The following DMXL1 variants were observed in gnomAD, a reference collection of about 807,000 sequenced individuals.
DMXL1 encodes the protein dmX-like protein 1.
In DMXL1, 99 loss-of-function variants were observed where a neutral mutation model predicts 319.2. The observed-to-expected ratio is 0.31, with a 90% CI of 0.26 to 0.37. The LOEUF (loss-of-function observed/expected upper bound fraction) is 0.37, where lower values mean the gene tolerates loss of function less well. Ranked by LOEUF, DMXL1 falls within the 10% of genes least tolerant of loss-of-function variation. DMXL1 has a pLI of 1.00. For missense variants in DMXL1, 3,745 were observed against 3,595.6 expected, an observed-to-expected ratio of 1.04 and a Z score of -1.06; for synonymous variants, 1,385 against 1,235.2, an observed-to-expected ratio of 1.12 and a Z score of -2.54.
intron 28 of DMXL1, among the ~76,000 whole-genome samples, chr5:119,184,163 C>T (rs1193658811): frequency 6.6e-6 from 1 of 151,856 alleles, no homozygotes; most frequent in African/African-American, 2.4e-5. Context: ...TCAAGTGATC[C>T]TTCCACCTCA....
chr5:119,081,050 A>G (rs1752086967), intron 1 of DMXL1, among the ~76,000 whole-genome samples: 2 of 152,194 alleles, frequency 1.3e-5, no homozygotes, highest in Non-Finnish European at 2.9e-5. Flanking sequence ...GTTACCCACT[A>G]GAATTGTACT....
Position 119,237,336 on chromosome 5 carries a change from T to C in DMXL1, c.8481T>C (p.Asp2827=). ...NYQGNKFGIV[D]ADGYLSLYQT... ...CTTTCTCTAAGTTTGGAATAGTTGATGCTGATGGATATTTAAGTTTGTATC... is the reference window on the plus strand; with the variant it reads ...CTTTCTCTAAGTTTGGAATAGTTGACGCTGATGGATATTTAAGTTTGTATC... The change falls in exon 40 of 44, where the codon GAT becomes GAC. Residue 2827 remains aspartate, a synonymous_variant. Coordinates refer to ENST00000539542, the MANE Select transcript of DMXL1 (RefSeq NM_001290321.3). 1 of 1,590,194 alleles carries C rather than the reference T, an allele frequency of 6.3e-7. No homozygotes were observed. The highest frequency in any genetic ancestry group is 8.6e-7 in the Non-Finnish European group (1 of 1,163,046).
At chr5:119,111,583 C>G (rs573933234) in intron 5 of DMXL1, among the ~76,000 whole-genome samples, 1 of 152,050 alleles carries the variant, frequency 6.6e-6, no homozygotes, top group Non-Finnish European at 1.5e-5. Flanking sequence ...AAGAATGACA[C>G]CCAAACTGGA....
intron 1 of DMXL1, among the ~76,000 whole-genome samples, chr5:119,072,026 A>G (rs1245897952): frequency 6.6e-6 from 1 of 151,902 alleles, no homozygotes; most frequent in Non-Finnish European, 1.5e-5. Flanking sequence ...AATAGTGGAG[A>G]TTGGTTTCAT....
At chr5:119,156,562 G>T (rs1266927738) in intron 19 of DMXL1, among the ~76,000 whole-genome samples, 1 of 152,088 alleles carries the variant, frequency 6.6e-6, no homozygotes, top group African/African-American at 2.4e-5. Context: ...ACATTGGAGT[G>T]CAGCTATCTC....
At chr5:119,165,804 A>G (rs1276879324) in intron 21 of DMXL1, among the ~76,000 whole-genome samples, 1 of 152,202 alleles carries the variant, frequency 6.6e-6, no homozygotes, top group Non-Finnish European at 1.5e-5. Context: ...AATAGCATGG[A>G]AAAGACTTGC....
intron 1 of DMXL1, among the ~76,000 whole-genome samples, chr5:119,083,481 T>A (rs1200002731): frequency 6.6e-6 from 1 of 152,160 alleles, no homozygotes; most frequent in African/African-American, 2.4e-5. Flanking sequence ...TGTACTGAAT[T>A]TCATTCTTTT....
chr5:119,077,785 G>GTA (rs1445429620), intron 1 of DMXL1, among the ~76,000 whole-genome samples: 23 of 139,314 alleles, frequency 1.7e-4, no homozygotes, highest in Non-Finnish European at 2.7e-4. Context: ...GTGTGTGTGT[G>GTA]TGTATATCTG....
chr5:119,224,187 C>T (rs1348866950), intron 37 of DMXL1, among the ~76,000 whole-genome samples: 1 of 151,986 alleles, frequency 6.6e-6, no homozygotes, highest in Non-Finnish European at 1.5e-5. Flanking sequence ...TTTAAGATAA[C>T]ATATATTTGT....
intron 1 of DMXL1, among the ~76,000 whole-genome samples, chr5:119,074,617 A>G (rs1402948045): frequency 6.6e-6 from 1 of 152,252 alleles, no homozygotes; most frequent in Non-Finnish European, 1.5e-5. Context: ...CTATTTAAGT[A>G]TTAGATACTT....
intron 24 of DMXL1, 30 bp from the exon 25 acceptor site, chr5:119,171,748 G>A (rs772051025): frequency 6.4e-7 from 1 of 1,560,864 alleles, no homozygotes; most frequent in Non-Finnish European, 8.7e-7. Flanking sequence ...TAAATAGTTG[G>A]TTAACCTTTT....
intron 25 of DMXL1, among the ~76,000 whole-genome samples, chr5:119,173,799 A>ATATATATATATATATATATAT: frequency 2.3e-5 from 1 of 44,282 alleles, no homozygotes; most frequent in East Asian, 2.5e-3. Context: ...TATATATATA[A>ATATATATATATATATATATAT]TGAGAGAGAG....
intron 37 of DMXL1, among the ~76,000 whole-genome samples, chr5:119,222,084 G>A (rs747635873): frequency 6.6e-6 from 1 of 152,092 alleles, no homozygotes; most frequent in Non-Finnish European, 1.5e-5. Context: ...ATGAGCAATT[G>A]TTCAAGTAAA....
intron 21 of DMXL1, among the ~76,000 whole-genome samples, chr5:119,165,837 A>T (rs1045748484): frequency 6.6e-6 from 1 of 152,222 alleles, no homozygotes; most frequent in Non-Finnish European, 1.5e-5. Context: ...GTTACCTCCC[A>T]CTGGGTCCCT....
chr5:119,137,940 C>T (rs1474335042), intron 13 of DMXL1, among the ~76,000 whole-genome samples: 1 of 152,120 alleles, frequency 6.6e-6, no homozygotes, highest in Non-Finnish European at 1.5e-5. Flanking sequence ...TTAGCCTGGC[C>T]AGGTCATATG....
chr5:119,183,277 A>G (rs1172550367), intron 28 of DMXL1, among the ~76,000 whole-genome samples: 5 of 152,218 alleles, frequency 3.3e-5, no homozygotes, highest in Admixed American at 2.6e-4. Context: ...TGTCATTGCT[A>G]ACATTCCTTT....
At chr5:119,243,509 T>C (rs1423753201) in intron 42 of DMXL1, among the ~76,000 whole-genome samples, 1 of 152,156 alleles carries the variant, frequency 6.6e-6, no homozygotes, top group African/African-American at 2.4e-5. Context: ...CAGATTTTTT[T>C]CCCTAAAATT....
intron 34 of DMXL1, among the ~76,000 whole-genome samples, chr5:119,211,553 C>G (rs1185967701): frequency 6.6e-6 from 1 of 152,010 alleles, no homozygotes; most frequent in Non-Finnish European, 1.5e-5. Flanking sequence ...GATGCTGCCT[C>G]TCCTTCTTCT....
Position 119,170,709 on chromosome 5 carries a change from A to G in DMXL1, c.5918A>G (p.Asp1973Gly), listed in dbSNP as rs1774370615. ...SLELKWDSDN[D>G]EENEDVPISM... ...GAGTTAAAATGGGACAGTGATAATG[A>G]TGAAGAAAATGAGGATGTCCCTATT... The change falls in exon 24 of 44, where the codon GAT becomes GGT. Residue 1973 changes from aspartate to glycine, a missense_variant. Coordinates refer to ENST00000539542, the MANE Select transcript of DMXL1 (RefSeq NM_001290321.3). 6.2e-7 allele frequency: 1 copy of G among 1,613,392 alleles called. No individual in the cohort carries two copies. Among genetic ancestry groups the G allele is most frequent in the African/African-American group, 1.3e-5 (1 of 74,852 alleles).
Sources: allele counts gnomAD v4.1 joint callset (sites outside exome capture counted in the v4.1 genomes callset), GRCh38; gene constraint gnomAD v4.1.1; transcripts MANE v1.5; gene names NCBI Gene and HGNC (gene_info 2026-07-23, HGNC 2026-07-21).